LARS2: variants seen among roughly 807,000 people sequenced by gnomAD.
LARS2 encodes the protein leucyl-tRNA synthetase 2, mitochondrial, also known as leucine--tRNA ligase, mitochondrial.
LARS2 carries 81 observed loss-of-function variants against 116.6 expected under a neutral mutation model. The ratio of observed to expected loss-of-function variants is 0.69; its 90% confidence interval spans 0.58 to 0.84. LARS2 has a LOEUF of 0.84. LARS2 is among the 40% of genes least tolerant of loss of function. LARS2 has a pLI of 0.00. For missense variants in LARS2, 968 were observed against 1,114.5 expected, an observed-to-expected ratio of 0.87 and a Z score of 1.87; for synonymous variants, 396 against 407.2, an observed-to-expected ratio of 0.97 and a Z score of 0.33.
intron 16 of LARS2, among the ~76,000 whole-genome samples, chr3:45,514,166 A>G (rs1426128718): frequency 6.6e-6 from 1 of 152,034 alleles, no homozygotes; most frequent in Admixed American, 6.6e-5. Context: ...AGATCATGCC[A>G]CTGCACTCCA....
At chr3:45,436,597 A>G (rs919005119) in intron 6 of LARS2, among the ~76,000 whole-genome samples, 7 of 151,724 alleles carry the variant, frequency 4.6e-5, no homozygotes, top group Non-Finnish European at 1.0e-4. Context: ...GATCGAGACC[A>G]TCCTGGCTAA....
Position 45,454,183 on chromosome 3 carries a change from A to G in LARS2, c.607-4560A>G, listed in dbSNP as rs552450573. Reference sequence around the variant, plus strand: ...CTGATAAACACAAAATTAGGAGAATACTGCCCACATGATCCCCAAGGGAGC... The same window carrying G: ...CTGATAAACACAAAATTAGGAGAATGCTGCCCACATGATCCCCAAGGGAGC... On this transcript the variant is annotated intron_variant, in intron 7 of 21. Coordinates refer to ENST00000645846, the MANE Select transcript of LARS2 (RefSeq NM_015340.4). 1.8e-3 allele frequency among the ~76,000 whole-genome samples: 278 copies of G among 152,308 alleles called. 1 individual carries two copies. Among genetic ancestry groups the G allele is most frequent in the Non-Finnish European group, 3.1e-3 (209 of 68,024 alleles).
intron 8 of LARS2, among the ~76,000 whole-genome samples, chr3:45,467,458 A>T (rs9840724): frequency 0.018 from 2,763 of 152,340 alleles, 73 homozygotes; most frequent in African/African-American, 0.059. Context: ...GGTAAAATAC[A>T]TTCTGTAGTT....
intron 15 of LARS2, among the ~76,000 whole-genome samples, chr3:45,510,705 A>G (rs1040556303): frequency 5.3e-5 from 8 of 152,222 alleles, no homozygotes; most frequent in East Asian, 1.9e-4. Context: ...AGGGAGTGGC[A>G]GGGGACAGGG....
chr3:45,478,382 C>G (rs1699648767), intron 10 of LARS2, among the ~76,000 whole-genome samples: 1 of 152,022 alleles, frequency 6.6e-6, no homozygotes, highest in South Asian at 2.1e-4. Flanking sequence ...AATTTGGGGA[C>G]ACAAATGAAA....
intron 20 of LARS2, among the ~76,000 whole-genome samples, chr3:45,535,672 G>C (rs1230944833): frequency 1.3e-5 from 2 of 152,064 alleles, no homozygotes; most frequent in Non-Finnish European, 2.9e-5. Flanking sequence ...GCCTTGTGAT[G>C]ATGGAACTCT....
intron 14 of LARS2, among the ~76,000 whole-genome samples, chr3:45,497,996 G>T (rs902813174): frequency 1.3e-5 from 2 of 152,236 alleles, no homozygotes; most frequent in African/African-American, 4.8e-5. Flanking sequence ...GACGACTGTG[G>T]CTGGGAACCA....
rs116883824 is a variant in LARS2 at position 45,524,424 on chromosome 3, G to A, written c.2404+316G>A. 9.9e-4 allele frequency among the ~76,000 whole-genome samples: 150 copies of A among 152,270 alleles called. 3 individuals carry two copies. The East Asian group carries it at 0.026, about 26-fold the overall frequency. ...ATTATGACCTGCGTGGTCTTTTTAA[G>A]ATAAAAACTCATGTTTAATACCACT... On this transcript the variant is annotated intron_variant, in intron 20 of 21. Coordinates refer to ENST00000645846, the MANE Select transcript of LARS2 (RefSeq NM_015340.4).
chr3:45,508,868 A>T (rs542076697), intron 15 of LARS2, among the ~76,000 whole-genome samples: 79 of 147,430 alleles, frequency 5.4e-4, no homozygotes, highest in African/African-American at 1.9e-3. Context: ...CTCCCTCCCT[A>T]CCTTTCCTCC....
At chr3:45,526,464 A>G (rs1028127912) in intron 20 of LARS2, among the ~76,000 whole-genome samples, 28 of 152,182 alleles carry the variant, frequency 1.8e-4, no homozygotes, top group African/African-American at 6.3e-4. Context: ...GAGCCGCAAC[A>G]TATCCATGGG....
intron 8 of LARS2, among the ~76,000 whole-genome samples, chr3:45,460,453 A>C (rs912682967): frequency 2.6e-5 from 4 of 151,984 alleles, no homozygotes; most frequent in Admixed American, 6.6e-5. Context: ...TTTTGTTTTG[A>C]CCTCTGCCTC....
At chr3:45,445,037 A>G (rs1698996056) in intron 6 of LARS2, among the ~76,000 whole-genome samples, 1 of 152,168 alleles carries the variant, frequency 6.6e-6, no homozygotes, top group Admixed American at 6.5e-5. Flanking sequence ...AAGTCTAGGA[A>G]TATTTTTACC....
chr3:45,544,768 A>G (rs1005598422), intron 21 of LARS2, among the ~76,000 whole-genome samples: 2 of 152,216 alleles, frequency 1.3e-5, no homozygotes, highest in African/African-American at 4.8e-5. Flanking sequence ...TTGGAGAATC[A>G]GAAAATACGT....
intron 20 of LARS2, among the ~76,000 whole-genome samples, chr3:45,530,565 G>A (rs1019568571): frequency 9.2e-5 from 14 of 152,230 alleles, no homozygotes; most frequent in African/African-American, 3.4e-4. Flanking sequence ...GACTTAGTGT[G>A]TCTAACATTT....
intron 8 of LARS2, among the ~76,000 whole-genome samples, chr3:45,462,429 A>AAGAAAG (rs1553632528): frequency 1.9e-4 from 28 of 144,910 alleles, no homozygotes; most frequent in African/African-American, 7.5e-4. Context: ...CAAAAAAAAA[A>AAGAAAG]AAAGAAAGAA....
intron 4 of LARS2, among the ~76,000 whole-genome samples, chr3:45,402,713 C>T (rs1254914223): frequency 6.6e-6 from 1 of 152,272 alleles, no homozygotes; most frequent in East Asian, 1.9e-4. Context: ...ATTTGTGTTC[C>T]ACTTTAAGAT....
At position 45,520,304 on chromosome 3, in the gene LARS2, G is replaced by T. The variant is rs876657488; in HGVS notation, c.2292+8G>T. 12 of 1,609,600 alleles carry T rather than the reference G, an allele frequency of 7.5e-6. No individual in the cohort carries two copies. The highest frequency in any genetic ancestry group is 9.4e-6 in the Non-Finnish European group (11 of 1,176,042). On this transcript the variant is annotated splice_region_variant and intron_variant, in intron 19 of 21. Transcript: ENST00000645846. ...CTCAGCAATGCCCTCTCGGTAAGTG[G>T]CCTGTCCTCATTTGCTGGTAGCAGA...
intron 19 of LARS2, among the ~76,000 whole-genome samples, chr3:45,523,111 G>GA (rs1454492289): frequency 1.3e-5 from 2 of 151,950 alleles, no homozygotes; most frequent in Non-Finnish European, 2.9e-5. Flanking sequence ...TTTTTAATCA[G>GA]AAAAAATAAA....
intron 20 of LARS2, among the ~76,000 whole-genome samples, chr3:45,537,203 G>A (rs1700719909): frequency 6.6e-6 from 1 of 152,194 alleles, no homozygotes; most frequent in Admixed American, 6.5e-5. Context: ...TCTGGTGTGT[G>A]ACTCGTGATC....
Sources: gnomAD v4.1 joint callset for allele counts (sites outside exome capture counted in the v4.1 genomes callset) on GRCh38, gnomAD v4.1.1 for gene constraint, MANE v1.5 for transcripts, NCBI Gene and HGNC (gene_info 2026-07-23, HGNC 2026-07-21) for gene names.